Variants in FGD6 observed in about 807,000 individuals in gnomAD.
The protein encoded by FGD6 is FYVE, RhoGEF and PH domain-containing protein 6.
FGD6 carries 90 observed loss-of-function variants against 149.4 expected under a neutral mutation model. The ratio of observed to expected loss-of-function variants is 0.60; its 90% CI spans 0.51 to 0.72. The LOEUF (loss-of-function observed/expected upper bound fraction) is 0.72. Ranked by LOEUF, FGD6 falls within the 30% of genes least tolerant of loss-of-function variation. The pLI, the probability that FGD6 is intolerant of heterozygous loss-of-function variation, is 0.00. For missense variants in FGD6, 1,437 were observed against 1,684.8 expected (o/e 0.85, Z 2.57); for synonymous variants, 527 against 584.0 (o/e 0.90, Z 1.41).
At chr12:95,157,294 CG>C (rs1215071287) in intron 3 of FGD6, among the ~76,000 whole-genome samples, 3 of 152,114 alleles carry the variant, frequency 2.0e-5, no homozygotes, top group Admixed American at 1.3e-4. Flanking sequence ...GGGCTGGGTG[CG>C]GTGGCTGACG....
In FGD6 at chr12:95,194,515, G is replaced by A. The variant is rs7958161; in HGVS notation, c.2441+14328C>T. Among the ~76,000 whole-genome samples, 14 of 129,214 alleles carry A rather than the reference G, an allele frequency of 1.1e-4. No individual in the cohort carries two copies. The East Asian group carries it at 1.2e-3, about 11-fold the overall frequency. The allele number at this position is 129,214 out of a possible 152,430, so 84.8% of individuals were successfully genotyped here. On this transcript the variant is annotated intron_variant, in intron 2 of 20. Coordinates refer to ENST00000343958, the MANE Select transcript of FGD6 (RefSeq NM_018351.4). ...TTCCCAAAGTGCTGGGATTACAGGC[G>A]TGAGCCACCACGCCTGGCCTTATAT...
intron 8 of FGD6, chr12:95,116,988 G>A: frequency 2.2e-6 from 1 of 449,486 alleles, no homozygotes; most frequent in Non-Finnish European, 4.5e-6. Context: ...TAACCCAGGT[G>A]AAACCCAGGA....
At chr12:95,156,765 T>G (rs1880485737) in intron 3 of FGD6, among the ~76,000 whole-genome samples, 1 of 152,128 alleles carries the variant, frequency 6.6e-6, no homozygotes, top group Non-Finnish European at 1.5e-5. Context: ...CCCCGGACAC[T>G]CAGCTTTAAA....
At chr12:95,171,396 T>C (rs971980956) in intron 3 of FGD6, among the ~76,000 whole-genome samples, 31 of 152,230 alleles carry the variant, frequency 2.0e-4, no homozygotes, top group African/African-American at 7.5e-4. Context: ...GTAACATTCC[T>C]GGGGATATTG....
At chr12:95,172,038 G>GTT (rs1555221385) in intron 3 of FGD6, among the ~76,000 whole-genome samples, 8 of 136,554 alleles carry the variant, frequency 5.9e-5, no homozygotes, top group Admixed American at 1.5e-4. Flanking sequence ...AATTCTAAGG[G>GTT]GGGGGGGGTT....
chr12:95,211,588 G>A (rs2056728100), intron 1 of FGD6, among the ~76,000 whole-genome samples: 2 of 147,374 alleles, frequency 1.4e-5, no homozygotes, highest in South Asian at 4.2e-4. Flanking sequence ...CGCCCAGGCT[G>A]GAGTGCAGTG....
chr12:95,180,065 C>T (rs911309073), intron 2 of FGD6, among the ~76,000 whole-genome samples: 60 of 125,480 alleles, frequency 4.8e-4, no homozygotes, highest in African/African-American at 1.8e-3. Flanking sequence ...GCAATAAGAG[C>T]GAAACTCTGC....
At chr12:95,187,804 A>G (rs1243698931) in intron 2 of FGD6, among the ~76,000 whole-genome samples, 1 of 152,166 alleles carries the variant, frequency 6.6e-6, no homozygotes, top group Non-Finnish European at 1.5e-5. Flanking sequence ...TTACTCCTAG[A>G]GCTCATTTTC....
chr12:95,086,536 C>CTTTT (rs1010739533), intron 18 of FGD6, among the ~76,000 whole-genome samples: 58 of 105,730 alleles, frequency 5.5e-4, no homozygotes, highest in Non-Finnish European at 7.0e-4. Context: ...TTTTTTTTTT[C>CTTTT]TTTTTTTTTT....
At chr12:95,179,432 G>C (rs1234511422) in intron 2 of FGD6, among the ~76,000 whole-genome samples, 1 of 152,070 alleles carries the variant, frequency 6.6e-6, no homozygotes, top group Admixed American at 6.6e-5. Context: ...TTGAGCCCAA[G>C]AGGTCGAGGC....
At chr12:95,086,134 CTG>C (rs1287579866) in intron 18 of FGD6, among the ~76,000 whole-genome samples, 1 of 152,060 alleles carries the variant, frequency 6.6e-6, no homozygotes, top group Non-Finnish European at 1.5e-5. Context: ...CTTGGTTTAA[CTG>C]TGCCTGCACG....
intron 17 of FGD6, among the ~76,000 whole-genome samples, chr12:95,090,505 T>C (rs1284669924): frequency 1.3e-5 from 2 of 152,016 alleles, no homozygotes; most frequent in African/African-American, 4.8e-5. Context: ...GATGGAGAAA[T>C]CAAGACAAAG....
At chr12:95,168,391 C>T (rs192832538) in intron 3 of FGD6, among the ~76,000 whole-genome samples, 18 of 152,282 alleles carry the variant, frequency 1.2e-4, no homozygotes, top group Non-Finnish European at 1.9e-4. Flanking sequence ...CAGCCAGGCG[C>T]GGTGGATCAC....
At chr12:95,136,421 T>G (rs1879669443) in intron 7 of FGD6, among the ~76,000 whole-genome samples, 1 of 152,190 alleles carries the variant, frequency 6.6e-6, no homozygotes, top group African/African-American at 2.4e-5. Context: ...TAGTTTTGTG[T>G]GACTGGAATT....
At chr12:95,106,184 A>G (rs1878615191) in intron 13 of FGD6, among the ~76,000 whole-genome samples, 1 of 151,436 alleles carries the variant, frequency 6.6e-6, no homozygotes, top group Admixed American at 6.6e-5. Context: ...CTGGTCTCTA[A>G]CTCTTGAGCT....
intron 18 of FGD6, among the ~76,000 whole-genome samples, chr12:95,089,308 G>C (rs2136232590): frequency 6.6e-6 from 1 of 152,296 alleles, no homozygotes; most frequent in South Asian, 2.1e-4. Context: ...AAAAATTCAT[G>C]TGTGTCCAAC....
At chr12:95,107,169 C>T (rs898743205) in intron 12 of FGD6, 132 bp from the exon 13 acceptor site, 2 of 651,266 alleles carry the variant, frequency 3.1e-6, no homozygotes, top group South Asian at 2.1e-5. Flanking sequence ...TACTTATATT[C>T]TGCTATATAC....
At chr12:95,094,838 G>A (rs939626825) in intron 14 of FGD6, 144 bp from the exon 15 acceptor site, 3 of 626,100 alleles carry the variant, frequency 4.8e-6, no homozygotes, top group Non-Finnish European at 5.7e-6. Flanking sequence ...AGTTGAGGCA[G>A]GTTTAGTGAA....
Position 95,149,790 on chromosome 12 carries a change from T to C in FGD6, c.2685+3021A>G, listed in dbSNP as rs551231963. 3.5e-5 allele frequency among the ~76,000 whole-genome samples: 5 copies of C among 142,624 alleles called. No individual in the cohort carries two copies. In the East Asian group the frequency reaches 9.8e-4, roughly 28 times the overall value. 93.6% of individuals were successfully genotyped at this position (142,624 alleles called of 152,430 possible). On this transcript the variant is annotated intron_variant, in intron 5 of 20. Transcript: ENST00000343958. ...TATATATAGTATATATAGTATATTA[T>C]ATGATATATAATACTATATAATAGT...
Sources: allele counts gnomAD v4.1 joint callset (sites outside exome capture counted in the v4.1 genomes callset), GRCh38; gene constraint gnomAD v4.1.1; transcripts MANE v1.5; gene names NCBI Gene and HGNC (gene_info 2026-07-23, HGNC 2026-07-21).